Variants in ADK observed in about 807,000 individuals in gnomAD.
The protein encoded by ADK is N6,N6-dimethyladenosine kinase.
A neutral mutation model predicts 44.7 loss-of-function variants in ADK; 24 were observed. That is an observed-to-expected ratio of 0.54 (90% CI 0.39 to 0.76). The LOEUF (loss-of-function observed/expected upper bound fraction) is 0.76. ADK is among the 30% of genes least tolerant of loss of function. The pLI is 0.00. For missense variants in ADK, 321 were observed against 425.1 expected, an observed-to-expected ratio of 0.76 and a Z score of 2.15; for synonymous variants, 128 against 142.6, an observed-to-expected ratio of 0.90 and a Z score of 0.73.
intron 3 of ADK, among the ~76,000 whole-genome samples, chr10:74,246,302 G>A (rs1459079075): frequency 6.6e-6 from 1 of 152,204 alleles, no homozygotes; most frequent in Non-Finnish European, 1.5e-5. Context: ...TGAAACTCTA[G>A]CAGTTCTGTC....
At chr10:74,227,651 C>T (rs887682338) in intron 3 of ADK, among the ~76,000 whole-genome samples, 1 of 152,146 alleles carries the variant, frequency 6.6e-6, no homozygotes, top group African/African-American at 2.4e-5. Context: ...CAAGACCAGC[C>T]TGGCCAAGAT....
At chr10:74,321,826 A>G (rs1380001264) in intron 4 of ADK, among the ~76,000 whole-genome samples, 2 of 152,206 alleles carry the variant, frequency 1.3e-5, no homozygotes, top group Non-Finnish European at 2.9e-5. Flanking sequence ...ACTAGTGTTC[A>G]TAATTGTATT....
At chr10:74,230,771 T>C in intron 3 of ADK, among the ~76,000 whole-genome samples, 1 of 151,674 alleles carries the variant, frequency 6.6e-6, no homozygotes, top group East Asian at 1.9e-4. Flanking sequence ...AATCTCCGCC[T>C]CCCAGGTTCA....
At chr10:74,474,341 G>T (rs1846729174) in intron 6 of ADK, among the ~76,000 whole-genome samples, 1 of 152,106 alleles carries the variant, frequency 6.6e-6, no homozygotes, top group South Asian at 2.1e-4. Context: ...GAACTCAAGT[G>T]ATCTTCCCTC....
rs536360019 is a variant in ADK at position 74,204,463 on chromosome 10, G to A, written c.140+3625G>A. On this transcript the variant is annotated intron_variant, in intron 2 of 10. Coordinates refer to ENST00000539909, the MANE Select transcript of ADK (RefSeq NM_006721.4). ...TTGAAACTTTTTTTTATATCCTGGG[G>A]ATTACCCCTGTAAGTATATTTGGCT... is the stretch of plus-strand genomic sequence containing the variant. Among the ~76,000 whole-genome samples, 6 of 152,128 alleles carry A rather than the reference G, an allele frequency of 3.9e-5. No homozygotes were observed. The South Asian group carries it at 1.2e-3, about 32-fold the overall frequency.
At chr10:74,464,544 A>G (rs947391189) in intron 6 of ADK, among the ~76,000 whole-genome samples, 20 of 152,328 alleles carry the variant, frequency 1.3e-4, no homozygotes, top group Admixed American at 7.2e-4. Flanking sequence ...TTGGTGATAC[A>G]GCGAGACCAT....
At chr10:74,557,000 A>C (rs1850276570) in intron 7 of ADK, among the ~76,000 whole-genome samples, 1 of 152,206 alleles carries the variant, frequency 6.6e-6, no homozygotes, top group South Asian at 2.1e-4. Context: ...CATATTAGGG[A>C]ATGGTGCTAA....
intron 10 of ADK, among the ~76,000 whole-genome samples, chr10:74,670,942 GTC>G (rs1855147981): frequency 6.8e-6 from 1 of 147,702 alleles, no homozygotes; most frequent in African/African-American, 2.5e-5. Flanking sequence ...CTAGTTTATA[GTC>G]TCTAGAAAGC....
intron 4 of ADK, chr10:74,372,165 G>A (rs752561282): frequency 2.4e-4 from 179 of 753,902 alleles, no homozygotes; most frequent in Non-Finnish European, 3.8e-4. Flanking sequence ...GACTGAAAAA[G>A]CAGAGCAGCC....
chr10:74,314,304 A>G (rs1255880462), intron 3 of ADK, among the ~76,000 whole-genome samples: 1 of 152,060 alleles, frequency 6.6e-6, no homozygotes, highest in Non-Finnish European at 1.5e-5. Context: ...TGATTTCTGT[A>G]TGTTTGTAGT....
intron 4 of ADK, among the ~76,000 whole-genome samples, chr10:74,322,353 C>A (rs932679305): frequency 6.6e-6 from 1 of 152,126 alleles, no homozygotes; most frequent in Non-Finnish European, 1.5e-5. Context: ...AACACCGTCT[C>A]GTCAATTCTT....
chr10:74,629,124 G>A (rs1262800228), intron 9 of ADK, among the ~76,000 whole-genome samples: 3 of 151,996 alleles, frequency 2.0e-5, no homozygotes, highest in African/African-American at 7.3e-5. Context: ...GGAACACTTG[G>A]GCTCAAACAA....
intron 3 of ADK, among the ~76,000 whole-genome samples, chr10:74,238,129 G>C (rs1230604819): frequency 3.3e-5 from 5 of 151,986 alleles, no homozygotes; most frequent in Non-Finnish European, 1.5e-5. Flanking sequence ...AAAGTGCCAG[G>C]ATTACAGGCA....
chr10:74,673,667 A>G (rs1221685793), intron 10 of ADK, among the ~76,000 whole-genome samples: 1 of 151,812 alleles, frequency 6.6e-6, no homozygotes, highest in African/African-American at 2.4e-5. Flanking sequence ...CAGTTGAGTG[A>G]CCCTCCATTG....
chr10:74,656,713 T>G (rs1463425904), intron 9 of ADK, among the ~76,000 whole-genome samples: 1 of 152,174 alleles, frequency 6.6e-6, no homozygotes, highest in Non-Finnish European at 1.5e-5. Context: ...ACGTGAGGAT[T>G]ACATGGGATA....
chr10:74,232,786 C>T (rs892353683), intron 3 of ADK, among the ~76,000 whole-genome samples: 5 of 152,050 alleles, frequency 3.3e-5, no homozygotes, highest in African/African-American at 4.8e-5. Flanking sequence ...CCGCCACACC[C>T]GGCTGATTTT....
chr10:74,268,346 A>G (rs1277817859), intron 3 of ADK, among the ~76,000 whole-genome samples: 2 of 151,100 alleles, frequency 1.3e-5, no homozygotes, highest in Non-Finnish European at 2.9e-5. Context: ...CCCCCAACAC[A>G]TGAAAAACTT....
intron 3 of ADK, among the ~76,000 whole-genome samples, chr10:74,291,371 C>CTCCT (rs1380390566): frequency 2.0e-5 from 3 of 152,000 alleles, no homozygotes; most frequent in Non-Finnish European, 2.9e-5. Context: ...GAGCTGAGAC[C>CTCCT]GCACCATTGC....
chr10:74,319,318 C>T lies in ADK; in HGVS notation c.273+4573C>T, dbSNP rs142229341. Among the ~76,000 whole-genome samples the T allele has an allele frequency of 2.0e-3, 308 of 152,240 alleles. 1 individual carries two copies. The highest frequency in any genetic ancestry group is 3.6e-3 in the Non-Finnish European group (248 of 68,006). ...ATTTATTTTCTCACAGTGTTGGAGT[C>T]CCAGATCAAAGTGTTGACACCTTGA... On this transcript the variant is annotated intron_variant, in intron 4 of 10. Coordinates refer to ENST00000539909, the MANE Select transcript of ADK (RefSeq NM_006721.4).
Sources: gnomAD v4.1 joint callset for allele counts (sites outside exome capture counted in the v4.1 genomes callset) on GRCh38, gnomAD v4.1.1 for gene constraint, MANE v1.5 for transcripts, NCBI Gene and HGNC (gene_info 2026-07-23, HGNC 2026-07-21) for gene names.